KIAA0825: variants seen among roughly 807,000 people sequenced by gnomAD.
KIAA0825 encodes uncharacterized protein KIAA0825.
KIAA0825 carries 119 observed loss-of-function variants against 147.6 expected under a neutral mutation model. That is an observed-to-expected ratio of 0.81 (90% CI 0.69 to 0.94). The LOEUF is 0.94. KIAA0825 is among the 40% of genes least tolerant of loss of function. The pLI is 0.00. For synonymous variants in KIAA0825, 470 were observed against 518.1 expected, an observed-to-expected ratio of 0.91 and a Z score of 1.26; for missense variants, 1,381 against 1,472.7, an observed-to-expected ratio of 0.94 and a Z score of 1.02.
chr5:94,241,923 A>G (rs1775365245), intron 20 of KIAA0825, among the ~76,000 whole-genome samples: 1 of 152,214 alleles, frequency 6.6e-6, no homozygotes, highest in Non-Finnish European at 1.5e-5. Context: ...CACTGCTTGA[A>G]ATAAGGCAGT....
chr5:94,164,409 G>A (rs1311014957), intron 20 of KIAA0825, among the ~76,000 whole-genome samples: 1 of 150,268 alleles, frequency 6.7e-6, no homozygotes, highest in Non-Finnish European at 1.5e-5. Flanking sequence ...CACCTACAGT[G>A]AACTTATTTT....
At chr5:94,453,768 C>A (rs543952663) in intron 12 of KIAA0825, among the ~76,000 whole-genome samples, 1 of 152,012 alleles carries the variant, frequency 6.6e-6, no homozygotes, top group Non-Finnish European at 1.5e-5. Context: ...ATGAATATTA[C>A]TTATGCTTCC....
intron 20 of KIAA0825, among the ~76,000 whole-genome samples, chr5:94,236,013 A>T (rs189082582): frequency 2.0e-5 from 3 of 152,312 alleles, no homozygotes; most frequent in Admixed American, 2.0e-4. Context: ...GTACAAGGAG[A>T]TTCATGTTGT....
At chr5:94,198,673 G>A (rs1021521910) in intron 20 of KIAA0825, among the ~76,000 whole-genome samples, 2 of 151,992 alleles carry the variant, frequency 1.3e-5, no homozygotes, top group Admixed American at 6.6e-5. Context: ...CTAGATGATG[G>A]GTTGATAGGT....
chr5:94,206,712 C>G (rs1772233904), intron 20 of KIAA0825, among the ~76,000 whole-genome samples: 1 of 152,124 alleles, frequency 6.6e-6, no homozygotes, highest in Admixed American at 6.5e-5. Context: ...CTGAAACTCA[C>G]ACTATGGTTT....
chr5:94,381,420 T>C (rs1355142565), intron 20 of KIAA0825, among the ~76,000 whole-genome samples: 1 of 152,224 alleles, frequency 6.6e-6, no homozygotes, highest in Non-Finnish European at 1.5e-5. Context: ...TTGCATTTGT[T>C]GCATGCCGAG....
intron 18 of KIAA0825, among the ~76,000 whole-genome samples, chr5:94,387,251 A>G (rs1562445810): frequency 6.6e-6 from 1 of 152,196 alleles, no homozygotes; most frequent in Non-Finnish European, 1.5e-5. Context: ...GAAGTTCAGA[A>G]TGTTAGAGCC....
At chr5:94,196,756 A>G (rs1447862716) in intron 20 of KIAA0825, among the ~76,000 whole-genome samples, 3 of 152,192 alleles carry the variant, frequency 2.0e-5, no homozygotes, top group Non-Finnish European at 2.9e-5. Flanking sequence ...TACTTAGGAT[A>G]ATGGCCTCCA....
intron 20 of KIAA0825, among the ~76,000 whole-genome samples, chr5:94,171,092 C>T (rs569136391): frequency 2.4e-4 from 36 of 152,198 alleles, no homozygotes; most frequent in African/African-American, 8.4e-4. Context: ...TTGCTGTGTC[C>T]CCACCCAAAT....
intron 1 of KIAA0825, among the ~76,000 whole-genome samples, chr5:94,590,588 C>T (rs924044099): frequency 2.0e-5 from 3 of 152,202 alleles, no homozygotes; most frequent in African/African-American, 4.8e-5. Flanking sequence ...ATCACCTATA[C>T]CCCATAGCTG....
At chr5:94,305,037 ATGCCC>A (rs966324298) in intron 20 of KIAA0825, among the ~76,000 whole-genome samples, 129 of 152,192 alleles carry the variant, frequency 8.5e-4, no homozygotes, top group African/African-American at 3.1e-3. Flanking sequence ...TTTAAATAAG[ATGCCC>A]TGACTTTTTA....
At chr5:94,307,519 G>A (rs1778821841) in intron 20 of KIAA0825, among the ~76,000 whole-genome samples, 1 of 151,710 alleles carries the variant, frequency 6.6e-6, no homozygotes, top group Non-Finnish European at 1.5e-5. Flanking sequence ...TATCTTTCTA[G>A]CCTTGATTTC....
intron 5 of KIAA0825, among the ~76,000 whole-genome samples, chr5:94,492,396 G>GACT (rs1453546248): frequency 1.3e-5 from 2 of 152,192 alleles, no homozygotes; most frequent in Non-Finnish European, 2.9e-5. Context: ...TCTCCTCTGA[G>GACT]AAACCTGCCC....
chr5:94,594,867 T>TA, intron 1 of KIAA0825: 1 of 216,440 alleles, frequency 4.6e-6, no homozygotes, highest in Admixed American at 6.0e-5. Flanking sequence ...CTGACTCAAA[T>TA]AAAAAATAGT....
intron 20 of KIAA0825, among the ~76,000 whole-genome samples, chr5:94,217,921 TG>T (rs1773344071): frequency 6.6e-6 from 1 of 152,152 alleles, no homozygotes; most frequent in African/African-American, 2.4e-5. Context: ...TTATAACTCT[TG>T]GGTATGTTGC....
intron 20 of KIAA0825, among the ~76,000 whole-genome samples, chr5:94,310,349 A>G (rs1430098657): frequency 6.6e-6 from 1 of 151,630 alleles, no homozygotes; most frequent in Non-Finnish European, 1.5e-5. Context: ...TTTGGCTCCT[A>G]TTTTGAATAG....
intron 14 of KIAA0825, among the ~76,000 whole-genome samples, chr5:94,433,353 C>CT (rs1430031141): frequency 6.6e-6 from 1 of 152,206 alleles, no homozygotes; most frequent in Non-Finnish European, 1.5e-5. Flanking sequence ...GCAACAGTTA[C>CT]TTGCTAATGG....
chr5:94,173,666 G>T (rs1424530403), intron 20 of KIAA0825, among the ~76,000 whole-genome samples: 1 of 152,172 alleles, frequency 6.6e-6, no homozygotes, highest in African/African-American at 2.4e-5. Flanking sequence ...GGAGTCATCA[G>T]CTCTCAGATT....
chr5:94,221,149 C>A (rs1451013455), intron 20 of KIAA0825, among the ~76,000 whole-genome samples: 1 of 152,158 alleles, frequency 6.6e-6, no homozygotes, highest in African/African-American at 2.4e-5. Context: ...CCTCCACAGA[C>A]TACGAGGTGT....
Sources: allele counts gnomAD v4.1 joint callset (sites outside exome capture counted in the v4.1 genomes callset), GRCh38; gene constraint gnomAD v4.1.1; transcripts MANE v1.5; gene names NCBI Gene and HGNC (gene_info 2026-07-23, HGNC 2026-07-21).